Variants in WDR86 observed in about 807,000 individuals in gnomAD.
WDR86 encodes WD repeat domain 86.
In WDR86, 30 loss-of-function variants were observed where a neutral mutation model predicts 36.5. The ratio of observed to expected loss-of-function variants is 0.82; its 90% CI spans 0.61 to 1.11. The LOEUF is 1.11. WDR86 is among the 50% of genes most tolerant of loss of function. WDR86 has a pLI of 0.00. For synonymous variants in WDR86, 255 were observed against 252.9 expected, an observed-to-expected ratio of 1.01 and a Z score of -0.08; for missense variants, 545 against 561.2, an observed-to-expected ratio of 0.97 and a Z score of 0.29.
At chr7:151,392,031 C>A (rs1461365327) in intron 3 of WDR86, among the ~76,000 whole-genome samples, 1 of 152,212 alleles carries the variant, frequency 6.6e-6, no homozygotes, top group Non-Finnish European at 1.5e-5. Flanking sequence ...GCCAGCTGCT[C>A]TTTCTGCAAA....
chr7:151,370,664 G>C, the WDR86 span, among the ~76,000 whole-genome samples: 1 of 151,234 alleles, frequency 6.6e-6, no homozygotes, highest in African/African-American at 2.4e-5. Flanking sequence ...TTTAGCATTA[G>C]GTATATCTCC....
chr7:151,375,572 G>A (rs977990760), downstream of WDR86, among the ~76,000 whole-genome samples: 1 of 152,214 alleles, frequency 6.6e-6, no homozygotes, highest in African/African-American at 2.4e-5. Flanking sequence ...GACAAAACCT[G>A]TTTTCTTGGA....
At chr7:151,386,095 A>G (rs1293402401) in intron 3 of WDR86, among the ~76,000 whole-genome samples, 1 of 152,178 alleles carries the variant, frequency 6.6e-6, no homozygotes, top group African/African-American at 2.4e-5. Context: ...GCTAGGGCCC[A>G]GGAACCAGGA....
chr7:151,398,304 TG>T (rs1353895597), intron 2 of WDR86, among the ~76,000 whole-genome samples: 1 of 152,012 alleles, frequency 6.6e-6, no homozygotes, highest in Non-Finnish European at 1.5e-5. Context: ...GTTGTGTGTA[TG>T]TGTGTAAGTT....
chr7:151,401,053 A>G lies in WDR86; in HGVS notation c.164-812T>C, dbSNP rs186362248. Among the ~76,000 whole-genome samples the G allele has an allele frequency of 6.6e-6, 1 of 152,328 alleles. No individual in the cohort carries two copies. Among genetic ancestry groups the G allele is most frequent in the Admixed American group, 6.5e-5 (1 of 15,310 alleles). On this transcript the variant is annotated intron_variant, in intron 1 of 5. Coordinates refer to ENST00000334493, the MANE Select transcript of WDR86 (RefSeq NM_198285.3). The surrounding 1 kb of genome is among the most constrained non-coding windows in gnomAD (Gnocchi z 4.3). ...GCCACTGTGCATGAGCACCCAGAAC[A>G]TGCTTCCCAGCAACCCCCTTGCCCA...
chr7:151,382,082 G>T, intron 4 of WDR86, 101 bp from the exon 5 acceptor site: 1 of 991,754 alleles, frequency 1.0e-6, no homozygotes, highest in Non-Finnish European at 1.5e-6. Flanking sequence ...CCGAGACTCC[G>T]CCCCACGGGG....
intron 3 of WDR86, among the ~76,000 whole-genome samples, chr7:151,392,373 A>G (rs1799499640): frequency 6.6e-6 from 1 of 152,022 alleles, no homozygotes; most frequent in African/African-American, 2.4e-5. Flanking sequence ...GGGAACAGGA[A>G]CCTCCCTCCC....
intron 2 of WDR86, among the ~76,000 whole-genome samples, chr7:151,398,141 C>T (rs1017597864): frequency 9.2e-5 from 14 of 152,026 alleles, no homozygotes; most frequent in African/African-American, 3.4e-4. Context: ...TGTATATGTG[C>T]ATGTGTGTTG....
At chr7:151,391,171 G>C (rs1003897474) in intron 3 of WDR86, among the ~76,000 whole-genome samples, 4 of 152,214 alleles carry the variant, frequency 2.6e-5, no homozygotes, top group African/African-American at 9.6e-5. Flanking sequence ...GGTCAGAGAA[G>C]CCACAGAAGG....
intron 1 of WDR86, among the ~76,000 whole-genome samples, chr7:151,402,085 A>ATATATC (rs1800380946): frequency 2.3e-5 from 3 of 128,608 alleles, no homozygotes; most frequent in African/African-American, 9.2e-5. Flanking sequence ...ATATATATAT[A>ATATATC]TATATATCTC....
rs1322567894 is a variant in WDR86 at position 151,388,098 on chromosome 7, T to C, written c.727-2875A>G. Reference sequence around the variant, plus strand: ...TCAGGGTTGGGTGAGACTCATGAACTGGTACGACAGGGCTTTTGCAGCCAG... The same window carrying C: ...TCAGGGTTGGGTGAGACTCATGAACCGGTACGACAGGGCTTTTGCAGCCAG... On this transcript the variant is annotated intron_variant, in intron 3 of 5. Coordinates refer to ENST00000334493, the MANE Select transcript of WDR86 (RefSeq NM_198285.3). The surrounding 1 kb of genome is among the most constrained non-coding windows in gnomAD (Gnocchi z 4.2). 1.3e-5 allele frequency among the ~76,000 whole-genome samples: 2 copies of C among 152,226 alleles called. No individual in the cohort carries two copies. The highest frequency in any genetic ancestry group is 4.8e-5 in the African/African-American group (2 of 41,470).
intron 4 of WDR86, 75 bp from the exon 5 acceptor site, chr7:151,382,056 G>A: frequency 5.1e-6 from 7 of 1,360,260 alleles, no homozygotes; most frequent in East Asian, 2.5e-5. Flanking sequence ...CGGCGAGAGC[G>A]TGACCTGGGG....
downstream of WDR86, chr7:151,376,360 C>T (rs908495729): frequency 5.8e-5 from 29 of 501,152 alleles, no homozygotes; most frequent in South Asian, 4.5e-4. Flanking sequence ...TCGCGGTGCT[C>T]GTGGTGAGGC....
At chr7:151,382,731 C>T (rs1036399872) in intron 4 of WDR86, among the ~76,000 whole-genome samples, 3 of 152,170 alleles carry the variant, frequency 2.0e-5, no homozygotes, top group Admixed American at 2.0e-4. Flanking sequence ...CCGAAGCCGA[C>T]CCTGATGCTA....
rs186652618 is a variant in WDR86 at position 151,388,561 on chromosome 7, G to A, written c.727-3338C>T. The stretch of plus-strand genomic sequence containing the variant: ...TCTGGCCCGACCCTCTCCAAAGGAG[G>A]CCTGTGTGCTCCTGGCTCTGTCCCC... On this transcript the variant is annotated intron_variant, in intron 3 of 5. Transcript: ENST00000334493. This position sits in a 1 kb window ranked among gnomAD's most constrained non-coding sequence, Gnocchi z 4.2. Among the ~76,000 whole-genome samples, 2 of 152,330 alleles carry A rather than the reference G, an allele frequency of 1.3e-5. No individual in the cohort carries two copies. The highest frequency in any genetic ancestry group is 2.4e-5 in the African/African-American group (1 of 41,588).
chr7:151,372,446 G>A (rs1373555954), downstream of WDR86, among the ~76,000 whole-genome samples: 2 of 152,208 alleles, frequency 1.3e-5, no homozygotes, highest in Admixed American at 6.5e-5. Flanking sequence ...GGCTGGCAGC[G>A]TCCTTCTCTG....
downstream of WDR86, chr7:151,377,374 G>T (rs890217186): frequency 3.3e-5 from 18 of 545,708 alleles, no homozygotes; most frequent in Admixed American, 6.8e-4. Context: ...GTCCAGGAGG[G>T]GTCCCAGGGC....
At position 151,396,029 on chromosome 7, in the gene WDR86, T is replaced by C. The variant is rs1482601183; in HGVS notation, c.473A>G (p.Glu158Gly). Residue 158 changes from glutamate (E) to glycine (G), a missense_variant, in exon 3 of 6, where the codon GAG (glutamate) becomes GGG (glycine). Transcript: ENST00000334493. ...PWDLPSTPCAEEAAAGGLLVT... is the reference protein window; with the variant it reads ...PWDLPSTPCAGEAAAGGLLVT... ...CAGAAGCCCCCCGGCCGCGGCCTCC[T>C]CCGCGCAGGGAGTGCTGGGGAGGTC... is the stretch of plus-strand genomic sequence containing the variant. 6.2e-7 allele frequency: 1 copy of C among 1,608,042 alleles called. No homozygotes were observed. Among genetic ancestry groups the C allele is most frequent in the East Asian group, 2.2e-5 (1 of 44,740 alleles).
At chr7:151,377,852 G>A (rs1278806445), downstream of WDR86, 9 of 152,184 alleles carry the variant, frequency 5.9e-5, no homozygotes, top group Admixed American at 4.6e-4. Flanking sequence ...AGTAAAATAC[G>A]CCCCCGAAAT....
Sources: gnomAD v4.1 joint callset for allele counts (sites outside exome capture counted in the v4.1 genomes callset) on GRCh38, gnomAD v4.1.1 for gene constraint, Gnocchi (gnomAD v3.1) non-coding constraint, MANE v1.5 for transcripts, NCBI Gene and HGNC (gene_info 2026-07-23, HGNC 2026-07-21) for gene names.